The following MATK variants were observed in gnomAD, a reference collection of about 807,000 sequenced individuals.
The protein encoded by MATK is megakaryocyte-associated tyrosine-protein kinase.
Under a neutral mutation model 59.8 loss-of-function variants are expected in MATK, and 41 were observed. The observed-to-expected ratio is 0.69, with a 90% CI of 0.53 to 0.89. The LOEUF is 0.89. MATK is among the 40% of genes least tolerant of loss of function. MATK has a pLI of 0.00. For missense variants in MATK, 593 were observed against 719.6 expected (o/e 0.82, Z 2.01); for synonymous variants, 308 against 306.1 (o/e 1.01, Z -0.06).
intron 1 of MATK, among the ~76,000 whole-genome samples, chr19:3,801,133 G>A (rs567818669): frequency 2.6e-5 from 4 of 152,158 alleles, no homozygotes; most frequent in Non-Finnish European, 4.4e-5. Context: ...CACCGCGCCC[G>A]GCCGATGCTT....
chr19:3,779,244 T>C (rs1042010098), intron 11 of MATK, 57 bp from the exon 12 acceptor site: 4 of 1,545,924 alleles, frequency 2.6e-6, no homozygotes, highest in Admixed American at 3.6e-5. Flanking sequence ...CATTCAGGGC[T>C]CAGAAAGCTC....
upstream of MATK, among the ~76,000 whole-genome samples, chr19:3,788,102 A>G (rs1468172093): frequency 1.6e-5 from 1 of 63,972 alleles, no homozygotes; most frequent in South Asian, 5.7e-4. Flanking sequence ...TAATATTTAT[A>G]TTATATTATA....
chr19:3,783,026 G>T, intron 7 of MATK, 100 bp downstream of exon 7: 2 of 1,038,068 alleles, frequency 1.9e-6, no homozygotes. Flanking sequence ...AGACAGGCTT[G>T]GGTGATCTGG....
intron 1 of MATK, among the ~76,000 whole-genome samples, chr19:3,800,473 C>T (rs1402187077): frequency 1.3e-5 from 2 of 152,022 alleles, no homozygotes; most frequent in Non-Finnish European, 1.5e-5. Context: ...TGGTGAAACC[C>T]CATCTCTACT....
intron 1 of MATK, among the ~76,000 whole-genome samples, chr19:3,800,649 GA>G (rs377731633): frequency 1.3e-5 from 2 of 149,912 alleles, no homozygotes; most frequent in African/African-American, 2.4e-5. Context: ...TCCGTCTTCA[GA>G]AAAAAAAAGG....
chr19:3,783,905 C>T lies in MATK; in HGVS notation c.491G>A (p.Arg164His), dbSNP rs757557334. The change falls in exon 6 of 14, where the codon CGC becomes CAC. Residue 164 changes from arginine (R) to histidine (H), a missense_variant. Arg to His is a conservative substitution (Grantham distance 29). Coordinates refer to ENST00000310132, the MANE Select transcript of MATK (RefSeq NM_139355.3). The stretch of plus-strand genomic sequence containing the variant: ...CAGCACGCGGTAGTGGATGACGTCG[C>T]GGCCAAAGCTCACGCACAGGACGTA... ...GDYVLCVSFG[R>H]DVIHYRVLHR... 45 of 1,612,882 alleles carry T rather than the reference C, an allele frequency of 2.8e-5. No individual in the cohort carries two copies. In the Admixed American group the frequency reaches 3.7e-4, roughly 13 times the overall value.
chr19:3,784,439 G>C lies in MATK; in HGVS notation c.145C>G (p.Pro49Ala). The change falls in exon 4 of 14, where the codon CCG becomes GCG. Residue 49 changes from proline to alanine, a missense_variant. Transcript: ENST00000310132. ...CATTTGGTGATACACTGGGTGCCCG[G>C]GGCCCAGCGCCTCTGCAGAGGGGGC... Reference protein sequence around the residue: ...SARMPTRRWAPGTQCITKCEH... With the variant: ...SARMPTRRWAAGTQCITKCEH... The C allele has an allele frequency of 6.3e-7, 1 of 1,596,732 alleles. No homozygotes were observed. The highest frequency in any genetic ancestry group is 8.5e-7 in the Non-Finnish European group (1 of 1,174,844).
At chr19:3,792,892 G>A (rs1051675327) in intron 1 of MATK, among the ~76,000 whole-genome samples, 2 of 152,196 alleles carry the variant, frequency 1.3e-5, no homozygotes, top group African/African-American at 4.8e-5. Flanking sequence ...GGGGACACCT[G>A]AGCCGCCATG....
At chr19:3,780,679 G>A (rs370814858) in intron 8 of MATK, among the ~76,000 whole-genome samples, 23 of 149,700 alleles carry the variant, frequency 1.5e-4, no homozygotes, top group African/African-American at 4.4e-4. Context: ...TGATCCGCCC[G>A]CCTCAGCCTC....
At chr19:3,796,358 G>A (rs1464660991) in intron 1 of MATK, among the ~76,000 whole-genome samples, 1 of 152,128 alleles carries the variant, frequency 6.6e-6, no homozygotes, top group Non-Finnish European at 1.5e-5. Flanking sequence ...TGATTTATCA[G>A]TTGGATGTTG....
chr19:3,779,471 GC>G lies in MATK; in HGVS notation c.928-21del, dbSNP rs767777758. Reference sequence around the variant, plus strand: ...GTTGCCCTGTTGGGGGTGGGAGATGGCCGCGGGATGTTGGGGCTGCTCCGCT... The same window carrying G: ...GTTGCCCTGTTGGGGGTGGGAGATGGCGCGGGATGTTGGGGCTGCTCCGCT... On this transcript the variant is annotated intron_variant, in intron 10 of 13. Coordinates refer to ENST00000310132, the MANE Select transcript of MATK (RefSeq NM_139355.3). The G allele has an allele frequency of 6.2e-7, 1 of 1,612,730 alleles. No individual in the cohort carries two copies. The highest frequency in any genetic ancestry group is 1.1e-5 in the South Asian group (1 of 91,074).
Position 3,779,839 on chromosome 19 carries a change from C to G in MATK, c.743-42G>C, listed in dbSNP as rs116839841. On this transcript the variant is annotated intron_variant, in intron 8 of 13. Coordinates refer to ENST00000310132, the MANE Select transcript of MATK (RefSeq NM_139355.3). Reference sequence around the variant, plus strand: ...GGGAACGGGGTGAGATCAGGACCCCCAACAAACAGGGACAGAGAGACAGAC... The same window carrying G: ...GGGAACGGGGTGAGATCAGGACCCCGAACAAACAGGGACAGAGAGACAGAC... 6.1e-3 allele frequency: 7,440 copies of G among 1,211,462 alleles called. 342 individuals are homozygous for G. In the African/African-American group the frequency reaches 0.097, roughly 16 times the overall value. The allele number at this position is 1,211,462 out of a possible 1,614,324, so 75.0% of individuals were successfully genotyped here.
intron 1 of MATK, among the ~76,000 whole-genome samples, chr19:3,795,347 A>C (rs8112415): frequency 0.058 from 8,569 of 148,208 alleles, 825 homozygotes; most frequent in African/African-American, 0.2. Flanking sequence ...ATCTCGGCTC[A>C]CTGCAACTTC....
chr19:3,778,513 T>G lies in MATK; in HGVS notation c.1280A>C (p.Lys427Thr). The change falls in exon 13 of 14, where the codon AAA becomes ACA. Residue 427 changes from lysine (K) to threonine (T), a missense_variant. Lys to Thr is a moderately conservative substitution (Grantham distance 78, BLOSUM62 -1). Coordinates refer to ENST00000310132, the MANE Select transcript of MATK (RefSeq NM_139355.3). The part of the protein sequence containing the change: ...VFSYGRAPYP[K>T]MSLKEVSEAV... Reference sequence around the variant, plus strand: ...CTCCCTGGGACCCCCGCTCACCATTTTAGGGTACGGAGCCCGTCCATATGA... The same window carrying G: ...CTCCCTGGGACCCCCGCTCACCATTGTAGGGTACGGAGCCCGTCCATATGA... The G allele has an allele frequency of 6.2e-7, 1 of 1,613,906 alleles. No homozygotes were observed. The highest frequency in any genetic ancestry group is 8.5e-7 in the Non-Finnish European group (1 of 1,179,952).
At chr19:3,786,499 G>A, upstream of MATK, 1 of 668,452 alleles carries the variant, frequency 1.5e-6, no homozygotes, top group Non-Finnish European at 1.8e-6. This position sits in a 1 kb window ranked among gnomAD's most constrained non-coding sequence, Gnocchi z 4.1. Context: ...CTCCACGCCT[G>A]GCCCTGACCT....
chr19:3,784,978 G>A (rs2145101131), intron 2 of MATK, 86 bp downstream of exon 2: 1 of 1,466,566 alleles, frequency 6.8e-7, no homozygotes, highest in Non-Finnish European at 9.5e-7. Flanking sequence ...GGCGATGGCT[G>A]GGCAGGCAGA....
At chr19:3,780,761 G>A (rs968575099) in intron 8 of MATK, among the ~76,000 whole-genome samples, 2 of 149,706 alleles carry the variant, frequency 1.3e-5, no homozygotes, top group East Asian at 4.0e-4. Context: ...TATTGATACA[G>A]GGTCTCACTC....
chr19:3,781,642 G>A lies in MATK; in HGVS notation c.707C>T (p.Thr236Ile), dbSNP rs1323863788. ...AGWLLNLQHLTLGAQIGEGEF... is the reference protein window; with the variant it reads ...AGWLLNLQHLILGAQIGEGEF... Reference sequence around the variant, plus strand: ...TCCCTCTCCGATCTGTGCTCCCAATGTCAAATGCTGCAGGTTCAGTAACCA... The same window carrying A: ...TCCCTCTCCGATCTGTGCTCCCAATATCAAATGCTGCAGGTTCAGTAACCA... Residue 236 changes from threonine (T) to isoleucine (I), a missense_variant, in exon 8 of 14, where the codon ACA becomes ATA. Transcript: ENST00000310132. 3.1e-6 allele frequency: 5 copies of A among 1,613,758 alleles called. No homozygotes were observed. The Admixed American group carries it at 8.3e-5, about 27-fold the overall frequency.
chr19:3,778,760 A>C (rs1435508768), intron 12 of MATK, among the ~76,000 whole-genome samples, 165 bp from the exon 13 acceptor site: 2 of 152,210 alleles, frequency 1.3e-5, no homozygotes, highest in Non-Finnish European at 2.9e-5. Flanking sequence ...GCCTTAGTGC[A>C]TGAAGGAAGC....
Sources: gnomAD v4.1 joint callset for allele counts (sites outside exome capture counted in the v4.1 genomes callset) on GRCh38, gnomAD v4.1.1 for gene constraint, Gnocchi (gnomAD v3.1) non-coding constraint, MANE v1.5 for transcripts, NCBI Gene and HGNC (gene_info 2026-07-23, HGNC 2026-07-21) for gene names.